The following CPQ variants were observed in gnomAD, a reference collection of about 807,000 sequenced individuals.
CPQ encodes the protein carboxypeptidase Q.
A neutral mutation model predicts 45.7 loss-of-function variants in CPQ; 37 were observed. The observed-to-expected ratio is 0.81, with a 90% CI of 0.62 to 1.07. The LOEUF is 1.07. CPQ is among the 50% of genes least tolerant of loss of function. CPQ has a pLI of 0.00. For synonymous variants in CPQ, 186 were observed against 205.8 expected, an observed-to-expected ratio of 0.90 and a Z score of 0.82; for missense variants, 537 against 572.9, an observed-to-expected ratio of 0.94 and a Z score of 0.64.
chr8:97,114,886 A>G (rs1207531223), intron 7 of CPQ, among the ~76,000 whole-genome samples: 1 of 152,126 alleles, frequency 6.6e-6, no homozygotes, highest in Admixed American at 6.6e-5. Flanking sequence ...CTGCTTTCCT[A>G]AAATCCATCT....
At chr8:97,100,251 T>A (rs928955337) in intron 7 of CPQ, among the ~76,000 whole-genome samples, 2 of 152,160 alleles carry the variant, frequency 1.3e-5, no homozygotes, top group African/African-American at 4.8e-5. Context: ...TCCAACAGCA[T>A]AGAGCAATAT....
At chr8:96,812,610 G>A (rs1014783981) in intron 2 of CPQ, among the ~76,000 whole-genome samples, 1 of 152,114 alleles carries the variant, frequency 6.6e-6, no homozygotes, top group Non-Finnish European at 1.5e-5. Context: ...GACAAAAGTA[G>A]GTGAGGTAAG....
intron 6 of CPQ, among the ~76,000 whole-genome samples, chr8:97,055,006 C>T (rs1247649732): frequency 1.3e-5 from 2 of 151,968 alleles, no homozygotes; most frequent in African/African-American, 4.8e-5. Flanking sequence ...ATAAATGCTC[C>T]ATCTGAATGG....
intron 3 of CPQ, among the ~76,000 whole-genome samples, chr8:96,850,801 G>T (rs983337947): frequency 1.3e-5 from 2 of 151,890 alleles, no homozygotes; most frequent in Non-Finnish European, 1.5e-5. Flanking sequence ...TAGAGACAGG[G>T]TTGCTCCAAG....
At chr8:96,827,355 C>T (rs1048669385) in intron 2 of CPQ, among the ~76,000 whole-genome samples, 7 of 151,982 alleles carry the variant, frequency 4.6e-5, no homozygotes, top group African/African-American at 1.7e-4. Flanking sequence ...CAAGTAGACC[C>T]ATGGAGCCTA....
chr8:96,826,180 A>G (rs186498847), intron 2 of CPQ, among the ~76,000 whole-genome samples: 1 of 152,148 alleles, frequency 6.6e-6, no homozygotes, highest in East Asian at 1.9e-4. Flanking sequence ...ATCACTTAAC[A>G]CTTGCTGAAT....
intron 4 of CPQ, among the ~76,000 whole-genome samples, chr8:96,896,041 A>T (rs559519247): frequency 3.2e-4 from 48 of 152,224 alleles, no homozygotes; most frequent in African/African-American, 1.1e-3. Flanking sequence ...TATTTTCATA[A>T]TAAGACTCTA....
intron 4 of CPQ, among the ~76,000 whole-genome samples, chr8:96,932,696 TTGTC>T (rs544378312): frequency 1.3e-5 from 2 of 152,340 alleles, no homozygotes; most frequent in South Asian, 4.1e-4. Flanking sequence ...GATGAATTAA[TTGTC>T]TGTGCTTTGA....
At chr8:97,132,216 G>A (rs1811969774) in intron 7 of CPQ, among the ~76,000 whole-genome samples, 1 of 152,076 alleles carries the variant, frequency 6.6e-6, no homozygotes. Flanking sequence ...AAAACCACTG[G>A]TCAGAGGTGT....
At chr8:97,123,038 T>A (rs1460600366) in intron 7 of CPQ, among the ~76,000 whole-genome samples, 3 of 24,862 alleles carry the variant, frequency 1.2e-4, no homozygotes, top group Non-Finnish European at 2.8e-4. Flanking sequence ...TAAAATAAAA[T>A]AAAATAAATA....
chr8:96,708,966 T>A (rs1413503533), intron 1 of CPQ, among the ~76,000 whole-genome samples: 3 of 152,166 alleles, frequency 2.0e-5, no homozygotes, highest in Non-Finnish European at 4.4e-5. Context: ...ATTTTACTTT[T>A]CAGTTTTAGA....
At chr8:96,858,678 T>G (rs537436032) in intron 3 of CPQ, among the ~76,000 whole-genome samples, 99 of 152,322 alleles carry the variant, frequency 6.5e-4, no homozygotes, top group Middle Eastern at 6.8e-3. Context: ...TGCAGAAAGC[T>G]ATGTGTATTT....
intron 5 of CPQ, among the ~76,000 whole-genome samples, chr8:96,970,417 A>G (rs1447873841): frequency 6.6e-6 from 1 of 152,190 alleles, no homozygotes; most frequent in Non-Finnish European, 1.5e-5. Flanking sequence ...TTATTCCTGA[A>G]AATAAACCCA....
At chr8:96,892,255 T>C (rs1812386690) in intron 4 of CPQ, among the ~76,000 whole-genome samples, 1 of 152,216 alleles carries the variant, frequency 6.6e-6, no homozygotes, top group African/African-American at 2.4e-5. Context: ...CAAACCTGAT[T>C]GGCCTGGTGG....
chr8:96,664,786 TACAA>T (rs2130715235), intron 1 of CPQ, among the ~76,000 whole-genome samples: 1 of 152,208 alleles, frequency 6.6e-6, no homozygotes, highest in South Asian at 2.1e-4. Flanking sequence ...TGGATAGAAG[TACAA>T]ATAGACTGGA....
At chr8:96,656,892 T>C (rs1400480741) in intron 1 of CPQ, among the ~76,000 whole-genome samples, 1 of 152,174 alleles carries the variant, frequency 6.6e-6, no homozygotes, top group East Asian at 1.9e-4. Flanking sequence ...TTTCTTTGTT[T>C]ATACCTAACC....
intron 4 of CPQ, among the ~76,000 whole-genome samples, chr8:96,911,122 C>T (rs1295589090): frequency 6.6e-6 from 1 of 152,130 alleles, no homozygotes; most frequent in African/African-American, 2.4e-5. Flanking sequence ...TAGCGATCCA[C>T]GTGCTTTTTA....
chr8:96,708,096 C>T (rs1440059119), intron 1 of CPQ, among the ~76,000 whole-genome samples: 3 of 151,906 alleles, frequency 2.0e-5, no homozygotes, highest in South Asian at 2.1e-4. Context: ...GTTCATGGCC[C>T]CCTTCCTCCA....
chr8:96,887,433 A>G (rs1038314340), intron 4 of CPQ, among the ~76,000 whole-genome samples: 1 of 152,182 alleles, frequency 6.6e-6, no homozygotes, highest in Non-Finnish European at 1.5e-5. Flanking sequence ...TGTAGCACCC[A>G]GTGCAGGGTG....
Sources: allele counts gnomAD v4.1 joint callset (sites outside exome capture counted in the v4.1 genomes callset), GRCh38; gene constraint gnomAD v4.1.1; transcripts MANE v1.5; gene names NCBI Gene and HGNC (gene_info 2026-07-23, HGNC 2026-07-21).